Variants in SLC5A10 observed in about 807,000 individuals in gnomAD.
SLC5A10 encodes the protein sodium/mannose cotransporter SLC5A10.
Under a neutral mutation model 68.9 loss-of-function variants are expected in SLC5A10, and 55 were observed. The ratio of observed to expected loss-of-function variants is 0.80; its 90% CI spans 0.64 to 1.00. The LOEUF (loss-of-function observed/expected upper bound fraction) is 1.00, where lower values mean the gene tolerates loss of function less well. Among genes scored for constraint, SLC5A10 ranks in the 50% least tolerant of loss-of-function variants. SLC5A10 has a pLI of 0.00. For missense variants in SLC5A10, 732 were observed against 819.3 expected (o/e 0.89, Z 1.30); for synonymous variants, 344 against 344.8 (o/e 1.00, Z 0.02).
At chr17:18,981,637 C>G (rs905906561) in intron 9 of SLC5A10, among the ~76,000 whole-genome samples, 1 of 152,190 alleles carries the variant, frequency 6.6e-6, no homozygotes, top group African/African-American at 2.4e-5. Flanking sequence ...AGGCAAGCAA[C>G]CACAGAGGCA....
intron 9 of SLC5A10, chr17:18,988,508 C>T: frequency 6.4e-7 from 1 of 1,560,080 alleles, no homozygotes; most frequent in Non-Finnish European, 8.7e-7. Context: ...ATGCCACCAG[C>T]CTCTCACAGG....
Position 18,971,056 on chromosome 17 carries a change from C to T in SLC5A10, c.684C>T (p.Tyr228=), listed in dbSNP as rs544692412. The change falls in exon 8 of 15, where the codon TAC becomes TAT. Residue 228 remains tyrosine (Y), a synonymous_variant. Transcript: ENST00000395645. The surrounding 1 kb of genome is among the most constrained non-coding windows in gnomAD (Gnocchi z 5.5). ...GTTACGGGCAGCTGGAGGCAGCCTA[C>T]GCCCAGGCCATTCCCTCCAGGACCA... ...IGGYGQLEAA[Y]AQAIPSRTIA... 3.1e-5 allele frequency: 50 copies of T among 1,614,024 alleles called. No homozygotes were observed. The highest frequency in any genetic ancestry group is 2.9e-4 in the South Asian group (26 of 91,084).
At chr17:18,980,142 C>T (rs2043093534) in intron 9 of SLC5A10, among the ~76,000 whole-genome samples, 1 of 152,120 alleles carries the variant, frequency 6.6e-6, no homozygotes, top group Non-Finnish European at 1.5e-5. Flanking sequence ...AGAATCTGTG[C>T]CTTATACTCC....
intron 9 of SLC5A10, among the ~76,000 whole-genome samples, chr17:18,981,944 C>T (rs572483393): frequency 3.9e-5 from 6 of 152,206 alleles, no homozygotes; most frequent in Non-Finnish European, 7.3e-5. Context: ...TGAGCCCAAC[C>T]GAGCCCAGCT....
intron 9 of SLC5A10, among the ~76,000 whole-genome samples, chr17:18,998,337 G>A (rs2043620245): frequency 6.6e-6 from 1 of 152,262 alleles, no homozygotes; most frequent in African/African-American, 2.4e-5. Flanking sequence ...CGAGGGTCCT[G>A]CAGCATGCAA....
chr17:19,019,618 G>C lies in SLC5A10; in HGVS notation c.1410+27G>C, dbSNP rs768394245. On this transcript the variant is annotated intron_variant, in intron 12 of 14. Transcript: ENST00000395645. ...TGGGCGTCGGCGGTCTGCTCTCCCT[G>C]GGGACGTGCCACAATTTGCTCTTCC... 4 of 1,606,982 alleles carry C rather than the reference G, an allele frequency of 2.5e-6. No individual in the cohort carries two copies. In the African/African-American group the frequency reaches 5.3e-5, roughly 21 times the overall value.
intron 9 of SLC5A10, among the ~76,000 whole-genome samples, chr17:18,983,034 T>C (rs1318669698): frequency 6.6e-6 from 1 of 152,182 alleles, no homozygotes; most frequent in African/African-American, 2.4e-5. Flanking sequence ...CAGTGGGCTG[T>C]GGGGGACCAA....
Position 19,013,478 on chromosome 17 carries a change from A to G in SLC5A10, c.1051A>G (p.Ile351Val), listed in dbSNP as rs372752321. ...ACGAEVGCSNIAYPKLVMELM... is the reference protein window; with the variant it reads ...ACGAEVGCSNVAYPKLVMELM... ...CGGGGCCGAGGTCGGCTGCTCCAACATCGCCTACCCCAAGCTGGTCATGGA... is the reference window on the plus strand; with the variant it reads ...CGGGGCCGAGGTCGGCTGCTCCAACGTCGCCTACCCCAAGCTGGTCATGGA... The change falls in exon 10 of 15, where the codon ATC becomes GTC. Residue 351 changes from isoleucine to valine, a missense_variant. Ile to Val is a conservative substitution (Grantham distance 29). Transcript: ENST00000395645. 6.9e-6 allele frequency: 11 copies of G among 1,585,782 alleles called. No individual in the cohort carries two copies. Among genetic ancestry groups the G allele is most frequent in the African/African-American group, 2.9e-5 (2 of 68,788 alleles).
chr17:19,015,023 G>A lies in SLC5A10; in HGVS notation c.1091-26G>A, dbSNP rs1447809157. 3 of 1,605,552 alleles carry A rather than the reference G, an allele frequency of 1.9e-6. No homozygotes were observed. In the Admixed American group the frequency reaches 5.0e-5, roughly 27 times the overall value. On this transcript the variant is annotated intron_variant, in intron 10 of 14. Coordinates refer to ENST00000395645, the MANE Select transcript of SLC5A10 (RefSeq NM_001042450.4). ...CGGGGCTGTCTCAAGGCCGGACAGG[G>A]TCACACATCCCCCGTCCCACCCCAG...
At chr17:19,002,096 T>G (rs1459256788) in intron 9 of SLC5A10, among the ~76,000 whole-genome samples, 1 of 151,616 alleles carries the variant, frequency 6.6e-6, no homozygotes, top group Non-Finnish European at 1.5e-5. Context: ...GTCTGCAAAC[T>G]ATGAAGGTCC....
At chr17:18,986,790 G>A (rs920046385) in intron 9 of SLC5A10, among the ~76,000 whole-genome samples, 2 of 152,230 alleles carry the variant, frequency 1.3e-5, no homozygotes, top group Non-Finnish European at 2.9e-5. Flanking sequence ...GCAGGGGTAC[G>A]GTGCTGGTGG....
intron 11 of SLC5A10, 42 bp downstream of exon 11, chr17:19,015,241 A>AGT: frequency 1.1e-6 from 1 of 915,166 alleles, no homozygotes; most frequent in Non-Finnish European, 1.5e-6. Context: ...GGAACACTAC[A>AGT]AGGGTGGGCG....
At chr17:18,967,172 A>T (rs2042727963) in intron 5 of SLC5A10, among the ~76,000 whole-genome samples, 1 of 152,178 alleles carries the variant, frequency 6.6e-6, no homozygotes, top group Non-Finnish European at 1.5e-5. Context: ...AGTTGCAGGC[A>T]ACCGCACACC....
Position 18,971,021 on chromosome 17 carries a change from C to A in SLC5A10, c.649C>A (p.Gln217Lys). 6.2e-7 allele frequency: 1 copy of A among 1,613,930 alleles called. No individual in the cohort carries two copies. Among genetic ancestry groups the A allele is most frequent in the East Asian group, 2.2e-5 (1 of 44,876 alleles). ...AVILTIKAFD[Q>K]IGGYGQLEAA... ...CACCCTGACCCCTCCAGCTTTTGAC[C>A]AGATCGGTGGTTACGGGCAGCTGGA... Residue 217 changes from glutamine to lysine, a missense_variant, in exon 8 of 15, where the codon CAG (glutamine) becomes AAG (lysine). Gln to Lys is a moderately conservative substitution (Grantham distance 53). Transcript: ENST00000395645. This position sits in a 1 kb window ranked among gnomAD's most constrained non-coding sequence, Gnocchi z 5.5.
At chr17:18,958,455 T>C (rs952944065) in intron 1 of SLC5A10, among the ~76,000 whole-genome samples, 4 of 152,238 alleles carry the variant, frequency 2.6e-5, no homozygotes, top group African/African-American at 4.8e-5. Context: ...ATGTGGGTTG[T>C]TTTCACTTTT....
chr17:19,013,259 A>G lies in SLC5A10; in HGVS notation c.983-151A>G, dbSNP rs2044054739. Reference sequence around the variant, plus strand: ...AGGCCATGCCCTCCCTGTGGCTCAGATTGTGAAACTGAGGCCCAAGGCCAA... The same window carrying G: ...AGGCCATGCCCTCCCTGTGGCTCAGGTTGTGAAACTGAGGCCCAAGGCCAA... On this transcript the variant is annotated intron_variant, in intron 9 of 14. Transcript: ENST00000395645. 4.0e-6 allele frequency: 5 copies of G among 1,264,536 alleles called. No homozygotes were observed. The African/African-American group carries it at 4.7e-5, about 12-fold the overall frequency. The allele number at this position is 1,264,536 out of a possible 1,614,324, so 78.3% of individuals were successfully genotyped here.
Position 18,971,762 on chromosome 17 carries a change from A to C in SLC5A10, c.846+544A>C. 1 of 1,546,852 alleles carries C rather than the reference A, an allele frequency of 6.5e-7. No individual in the cohort carries two copies. Among genetic ancestry groups the C allele is most frequent in the Non-Finnish European group, 8.7e-7 (1 of 1,145,016 alleles). ...AAACTGCTGGCCCTGGGAGAGAGAG[A>C]GCAGAGAGTGAGGCTGAGCAAGAAG... is the stretch of plus-strand genomic sequence containing the variant. On this transcript the variant is annotated intron_variant, in intron 8 of 14. Transcript: ENST00000395645. The surrounding 1 kb of genome is among the most constrained non-coding windows in gnomAD (Gnocchi z 5.5).
intron 9 of SLC5A10, among the ~76,000 whole-genome samples, chr17:18,991,090 C>T (rs1055513560): frequency 2.6e-5 from 4 of 152,192 alleles, no homozygotes; most frequent in Non-Finnish European, 5.9e-5. Flanking sequence ...GTTCTTTTTC[C>T]CATTTTGCAG....
intron 7 of SLC5A10, chr17:18,970,534 A>T: frequency 5.8e-6 from 1 of 172,914 alleles, no homozygotes; most frequent in South Asian, 1.4e-4. Context: ...TCTGTGCCTC[A>T]GGGGGTGGGG....
Sources: gnomAD v4.1 joint callset for allele counts (sites outside exome capture counted in the v4.1 genomes callset) on GRCh38, gnomAD v4.1.1 for gene constraint, Gnocchi (gnomAD v3.1) non-coding constraint, MANE v1.5 for transcripts, NCBI Gene and HGNC (gene_info 2026-07-23, HGNC 2026-07-21) for gene names.